The following CATSPERB variants were observed in gnomAD, a reference collection of about 807,000 sequenced individuals.
CATSPERB encodes the protein cation channel sperm-associated auxiliary subunit beta.
A neutral mutation model predicts 128.3 loss-of-function variants in CATSPERB; 93 were observed. That is an observed-to-expected ratio of 0.72 (90% CI 0.61 to 0.86). The LOEUF (loss-of-function observed/expected upper bound fraction) is 0.86, where lower values mean the gene tolerates loss of function less well. Among genes scored for constraint, CATSPERB ranks in the 40% least tolerant of loss-of-function variants. The probability of loss-of-function intolerance (pLI) is 0.00; values close to 1 mark genes in which losing one functional copy is unlikely to be tolerated. For synonymous variants in CATSPERB, 381 were observed against 448.8 expected, an observed-to-expected ratio of 0.85 and a Z score of 1.91; for missense variants, 1,153 against 1,329.5, an observed-to-expected ratio of 0.87 and a Z score of 2.06.
chr14:91,591,727 GGTACATTT>G (rs1893407497), intron 23 of CATSPERB, among the ~76,000 whole-genome samples, 157 bp downstream of exon 23: 1 of 152,024 alleles, frequency 6.6e-6, no homozygotes, highest in Non-Finnish European at 1.5e-5. Context: ...TAACTTGCAA[GGTACATTT>G]AAATCTGGAT....
At chr14:91,614,981 T>G (rs1893908098) in intron 20 of CATSPERB, among the ~76,000 whole-genome samples, 1 of 152,146 alleles carries the variant, frequency 6.6e-6, no homozygotes, top group Non-Finnish European at 1.5e-5. Context: ...TAGAATTTAC[T>G]CTCTTAGCAA....
At chr14:91,689,327 C>A (rs955762545) in intron 10 of CATSPERB, among the ~76,000 whole-genome samples, 1 of 152,174 alleles carries the variant, frequency 6.6e-6, no homozygotes, top group Non-Finnish European at 1.5e-5. Flanking sequence ...CTCAGGTAAA[C>A]CATGAGTGAG....
chr14:91,706,936 G>T (rs1043333601), intron 6 of CATSPERB, among the ~76,000 whole-genome samples: 3 of 151,752 alleles, frequency 2.0e-5, no homozygotes, highest in Non-Finnish European at 4.4e-5. Context: ...CTTCTCAAGG[G>T]GACTATTGCA....
At chr14:91,673,156 G>T in intron 12 of CATSPERB, 140 bp from the exon 13 acceptor site, 1 of 720,518 alleles carries the variant, frequency 1.4e-6, no homozygotes, top group Non-Finnish European at 2.1e-6. Context: ...TCCCTCCCTG[G>T]TCTTAAAACC....
chr14:91,603,425 C>T, intron 22 of CATSPERB: 1 of 1,596,460 alleles, frequency 6.3e-7, no homozygotes, highest in Non-Finnish European at 8.6e-7. Context: ...ATCCTTTATT[C>T]CCAGCCATCA....
At chr14:91,633,992 T>A (rs898437395) in intron 17 of CATSPERB, among the ~76,000 whole-genome samples, 2 of 152,102 alleles carry the variant, frequency 1.3e-5, no homozygotes, top group South Asian at 4.1e-4. Context: ...AAAATTATAG[T>A]TGACCCTTGA....
intron 14 of CATSPERB, among the ~76,000 whole-genome samples, chr14:91,669,172 A>C (rs10498629): frequency 0.39 from 58,769 of 152,044 alleles, 11,527 homozygotes; most frequent in Middle Eastern, 0.5. Context: ...TCATCTTTAA[A>C]ATCTCTAAAT....
chr14:91,729,589 T>C (rs551630352), intron 1 of CATSPERB, 110 bp from the exon 2 acceptor site: 1 of 529,248 alleles, frequency 1.9e-6, no homozygotes, highest in South Asian at 3.7e-5. Context: ...ATATTCTTAA[T>C]ATTTCACACT....
At chr14:91,729,963 C>G (rs997651128) in intron 1 of CATSPERB, among the ~76,000 whole-genome samples, 1 of 152,096 alleles carries the variant, frequency 6.6e-6, no homozygotes, top group Non-Finnish European at 1.5e-5. Flanking sequence ...TAGCCACCAG[C>G]CTTGAGGGAT....
rs1171445009 is a variant in CATSPERB, at chr14:91,719,351, C to A, written c.370+67G>T. On this transcript the variant is annotated intron_variant, in intron 5 of 26. Transcript: ENST00000256343. ...CAAATCACTTTTAAGATAATAAATT[C>A]TTTTTGTTCTTTTTATTTGATAAAT... 1.8e-5 allele frequency: 20 copies of A among 1,132,162 alleles called. No individual in the cohort carries two copies. The Admixed American group carries it at 3.6e-4, about 20-fold the overall frequency. The allele number at this position is 1,132,162 out of a possible 1,614,324, so 70.1% of individuals were successfully genotyped here.
chr14:91,705,318 A>C (rs1168696800), intron 6 of CATSPERB, among the ~76,000 whole-genome samples: 1 of 152,130 alleles, frequency 6.6e-6, no homozygotes, highest in Non-Finnish European at 1.5e-5. Context: ...TCCCAATCTC[A>C]TTGAAACAAC....
intron 12 of CATSPERB, 27 bp downstream of exon 12, chr14:91,674,149 T>A (rs767782486): frequency 7.3e-7 from 1 of 1,371,186 alleles, no homozygotes; most frequent in South Asian, 1.2e-5. Context: ...CAAAATTTCT[T>A]AACTTATAAA....
chr14:91,618,166 T>A (rs1893980691), intron 19 of CATSPERB, among the ~76,000 whole-genome samples: 2 of 152,332 alleles, frequency 1.3e-5, no homozygotes, highest in African/African-American at 4.8e-5. Context: ...CCATGGCATT[T>A]GTAAACTGTC....
chr14:91,639,924 A>C (rs1343644773), intron 15 of CATSPERB, among the ~76,000 whole-genome samples: 1 of 141,916 alleles, frequency 7.0e-6, no homozygotes, highest in Non-Finnish European at 1.5e-5. Flanking sequence ...TGGAGTGTCC[A>C]GGACTCAGTT....
chr14:91,639,278 G>C (rs753395639), intron 15 of CATSPERB, 28 bp from the exon 16 acceptor site: 8 of 1,595,586 alleles, frequency 5.0e-6, no homozygotes, highest in African/African-American at 1.3e-5. Flanking sequence ...GAAGTGTCTT[G>C]ATACTGATGT....
chr14:91,723,386 A>G (rs1896066314), intron 3 of CATSPERB, among the ~76,000 whole-genome samples, 197 bp from the exon 4 acceptor site: 1 of 152,156 alleles, frequency 6.6e-6, no homozygotes. Context: ...AATCTTTTCT[A>G]TCATAGAAAT....
At chr14:91,586,901 A>G (rs1475853372) in intron 26 of CATSPERB, among the ~76,000 whole-genome samples, 1 of 152,348 alleles carries the variant, frequency 6.6e-6, no homozygotes, top group South Asian at 2.1e-4. Flanking sequence ...GAGGAAGAGC[A>G]TTAAAAGTCA....
intron 10 of CATSPERB, 97 bp downstream of exon 10, chr14:91,691,426 A>G (rs1895470133): frequency 2.9e-6 from 2 of 686,454 alleles, no homozygotes. Flanking sequence ...AGTAACTGGA[A>G]TAACTTATAT....
chr14:91,648,052 C>T (rs1618870), intron 15 of CATSPERB, among the ~76,000 whole-genome samples: 28,200 of 152,092 alleles, frequency 0.19, 2,769 homozygotes, highest in South Asian at 0.24. Flanking sequence ...TGACTATACA[C>T]ACTTCCTCCT....
Sources: allele counts gnomAD v4.1 joint callset (sites outside exome capture counted in the v4.1 genomes callset), GRCh38; gene constraint gnomAD v4.1.1; transcripts MANE v1.5; gene names NCBI Gene and HGNC (gene_info 2026-07-23, HGNC 2026-07-21).